Variants in SAMD3 observed in about 807,000 individuals in gnomAD.
SAMD3 encodes sterile alpha motif domain-containing protein 3.
In SAMD3, 63 loss-of-function variants were observed where a neutral mutation model predicts 58.5. The observed-to-expected ratio is 1.08, with a 90% CI of 0.88 to 1.33. SAMD3 has a LOEUF of 1.33. Among genes scored for constraint, SAMD3 ranks in the 40% most tolerant of loss-of-function variants. The pLI is 0.00. For missense variants in SAMD3, 604 were observed against 608.4 expected, an observed-to-expected ratio of 0.99 and a Z score of 0.08; for synonymous variants, 220 against 210.3, an observed-to-expected ratio of 1.05 and a Z score of -0.40.
At chr6:130,334,357 A>ACAAT in intron 1 of SAMD3, among the ~76,000 whole-genome samples, 1 of 152,240 alleles carries the variant, frequency 6.6e-6, no homozygotes, top group South Asian at 2.1e-4. Flanking sequence ...AAACAAACAA[A>ACAAT]AAAAGACTGT....
intron 8 of SAMD3, among the ~76,000 whole-genome samples, chr6:130,168,602 C>T (rs1213906170): frequency 6.6e-6 from 1 of 152,156 alleles, no homozygotes; most frequent in Non-Finnish European, 1.5e-5. Context: ...AGATCTTCCT[C>T]CAGTTTAGCC....
intron 7 of SAMD3, chr6:130,183,336 C>CAAA (rs55660451): frequency 2.3e-5 from 9 of 384,074 alleles, no homozygotes; most frequent in East Asian, 1.6e-4. Context: ...GACTCCGTCT[C>CAAA]AAAAAAAAAA....
In SAMD3 at chr6:130,181,194, G is replaced by T. The variant is rs141515622; in HGVS notation, c.654+2909C>A. Among the ~76,000 whole-genome samples, 47 of 152,030 alleles carry T rather than the reference G, an allele frequency of 3.1e-4. 1 individual carries two copies. The highest frequency in any genetic ancestry group is 1.1e-3 in the African/African-American group (45 of 41,486). ...ACTCCTGACCTCAGGTGATCTGCCC[G>T]CCTTGGCCTCCCAAAGTGCTGGGAT... On this transcript the variant is annotated intron_variant, in intron 7 of 11. Coordinates refer to ENST00000439090, the MANE Select transcript of SAMD3 (RefSeq NM_001017373.4).
intron 2 of SAMD3, among the ~76,000 whole-genome samples, chr6:130,247,864 T>A (rs1223274655): frequency 6.6e-6 from 1 of 152,218 alleles, no homozygotes; most frequent in Admixed American, 6.5e-5. Context: ...AACTGTTGCA[T>A]CCATCATAGC....
intron 2 of SAMD3, among the ~76,000 whole-genome samples, chr6:130,293,590 T>C (rs1432432441): frequency 6.8e-6 from 1 of 146,132 alleles, no homozygotes; most frequent in African/African-American, 2.5e-5. Context: ...TATATTATAG[T>C]CCTAAGAATA....
At chr6:130,215,555 A>G in intron 2 of SAMD3, 1 of 1,330,528 alleles carries the variant, frequency 7.5e-7, no homozygotes, top group South Asian at 2.3e-5. Context: ...TTTTTTCCAC[A>G]GGCATCTCTA....
At chr6:130,325,490 C>A (rs1076979) in intron 1 of SAMD3, among the ~76,000 whole-genome samples, 2,897 of 152,248 alleles carry the variant, frequency 0.019, 86 homozygotes, top group African/African-American at 0.065. Flanking sequence ...CACCCACACT[C>A]GTGAGGGCCA....
chr6:130,362,944 A>C (rs1205019249), intron 1 of SAMD3, among the ~76,000 whole-genome samples: 8 of 152,078 alleles, frequency 5.3e-5, no homozygotes, highest in Non-Finnish European at 8.8e-5. Context: ...ATGACCTTAA[A>C]ATTTTATTTT....
At chr6:130,346,739 C>T (rs1404478963) in intron 1 of SAMD3, among the ~76,000 whole-genome samples, 4 of 152,206 alleles carry the variant, frequency 2.6e-5, no homozygotes, top group Non-Finnish European at 5.9e-5. Flanking sequence ...TAGTGGTTCT[C>T]CCAGCACGCA....
At chr6:130,275,154 A>T (rs1261100854) in intron 2 of SAMD3, among the ~76,000 whole-genome samples, 1 of 152,060 alleles carries the variant, frequency 6.6e-6, no homozygotes, top group Admixed American at 6.6e-5. Context: ...TTTCTCTTTG[A>T]TTCCTTGTGG....
intron 2 of SAMD3, among the ~76,000 whole-genome samples, chr6:130,307,906 A>C (rs1454796835): frequency 6.6e-6 from 1 of 152,162 alleles, no homozygotes; most frequent in Non-Finnish European, 1.5e-5. Flanking sequence ...GCCAGTTAAG[A>C]CCTGTGCTTT....
intron 2 of SAMD3, among the ~76,000 whole-genome samples, chr6:130,279,636 C>A (rs2114948174): frequency 1.3e-5 from 2 of 152,134 alleles, no homozygotes; most frequent in East Asian, 3.9e-4. Flanking sequence ...AGGCACCTGC[C>A]AGCAGGCCTG....
intron 2 of SAMD3, among the ~76,000 whole-genome samples, chr6:130,285,331 C>A (rs1264421955): frequency 6.6e-5 from 10 of 151,980 alleles, no homozygotes; most frequent in African/African-American, 1.9e-4. Flanking sequence ...AATTTAGAAC[C>A]CTGGGATTTC....
intron 5 of SAMD3, among the ~76,000 whole-genome samples, chr6:130,198,769 G>C (rs1794375985): frequency 6.6e-6 from 1 of 152,134 alleles, no homozygotes; most frequent in African/African-American, 2.4e-5. Flanking sequence ...TGTGACTCTT[G>C]AGAATTACAA....
intron 2 of SAMD3, among the ~76,000 whole-genome samples, chr6:130,238,592 A>G (rs1019210786): frequency 2.6e-5 from 4 of 152,190 alleles, no homozygotes; most frequent in Admixed American, 2.0e-4. Flanking sequence ...TAGGAAATGC[A>G]TGGTTCTAAA....
At chr6:130,308,364 TATTCTATTC>T (rs1562512775) in intron 2 of SAMD3, among the ~76,000 whole-genome samples, 7 of 51,796 alleles carry the variant, frequency 1.4e-4, no homozygotes, top group Non-Finnish European at 2.4e-4. Flanking sequence ...TATTCTATTC[TATTCTATTC>T]TATTCTATTC....
chr6:130,335,864 G>A (rs1777083876), intron 1 of SAMD3, among the ~76,000 whole-genome samples: 1 of 151,918 alleles, frequency 6.6e-6, no homozygotes, highest in Non-Finnish European at 1.5e-5. Flanking sequence ...GTCCTTTGTA[G>A]GGACATGAAT....
chr6:130,359,033 T>C (rs1335134401), intron 1 of SAMD3, among the ~76,000 whole-genome samples: 2 of 152,176 alleles, frequency 1.3e-5, no homozygotes, highest in Admixed American at 1.3e-4. Flanking sequence ...GTTCCTCCAC[T>C]TACTTACTTG....
At chr6:130,351,047 C>T (rs998158874) in intron 1 of SAMD3, among the ~76,000 whole-genome samples, 2 of 152,108 alleles carry the variant, frequency 1.3e-5, no homozygotes, top group Admixed American at 1.3e-4. Context: ...AACTGGATCC[C>T]TTCCTTACAC....
Sources: allele counts gnomAD v4.1 joint callset (sites outside exome capture counted in the v4.1 genomes callset), GRCh38; gene constraint gnomAD v4.1.1; transcripts MANE v1.5; gene names NCBI Gene and HGNC (gene_info 2026-07-23, HGNC 2026-07-21).